Variants in SYNJ2 observed in about 807,000 individuals in gnomAD.
The protein encoded by SYNJ2 is polyphosphatidylinositol phosphatase SYNJ2.
Under a neutral mutation model 141.3 loss-of-function variants are expected in SYNJ2, and 116 were observed. That is an observed-to-expected ratio of 0.82 (90% CI 0.71 to 0.96). The LOEUF (loss-of-function observed/expected upper bound fraction) is 0.96. Ranked by LOEUF, SYNJ2 falls within the 40% of genes least tolerant of loss-of-function variation. SYNJ2 has a pLI of 0.00. For synonymous variants in SYNJ2, 745 were observed against 777.7 expected (o/e 0.96, Z 0.70); for missense variants, 1,873 against 1,934.8 (o/e 0.97, Z 0.60).
At chr6:158,065,792 A>G (rs1399373837) in intron 11 of SYNJ2, among the ~76,000 whole-genome samples, 1 of 152,260 alleles carries the variant, frequency 6.6e-6, no homozygotes, top group African/African-American at 2.4e-5. Flanking sequence ...AAGGTGAACA[A>G]AGCTCCATGT....
At chr6:158,026,454 CCCCTGCCT>C (rs1256027413) in intron 2 of SYNJ2, among the ~76,000 whole-genome samples, 1 of 152,128 alleles carries the variant, frequency 6.6e-6, no homozygotes, top group African/African-American at 2.4e-5. Flanking sequence ...CTGTACAGCT[CCCCTGCCT>C]CCACTGCGCT....
Position 158,088,745 on chromosome 6 carries a change from A to T in SYNJ2, c.3429A>T (p.Arg1143Ser). 5 of 1,614,032 alleles carry T rather than the reference A, an allele frequency of 3.1e-6. No homozygotes were observed. Among genetic ancestry groups the T allele is most frequent in the Non-Finnish European group, 4.2e-6 (5 of 1,179,958 alleles). ...HGQYSILQTA[R>S]LLPGAPQQPP... is the part of the protein sequence containing the mutation. ...AGTATTCAATTTTGCAGACGGCAAG[A>T]CTTCTACCAGGAGCACCTCAGCAAC... Residue 1143 changes from arginine to serine, a missense_variant, in exon 24 of 27, where the codon AGA (arginine) becomes AGT (serine). Physicochemically the swap from Arg to Ser is moderately radical, Grantham distance 110. Transcript: ENST00000355585.
Position 158,033,622 on chromosome 6 carries a change from T to G in SYNJ2, c.653T>G (p.Phe218Cys), listed in dbSNP as rs1222340005. 1 of 1,613,462 alleles carries G rather than the reference T, an allele frequency of 6.2e-7. No individual in the cohort carries two copies. The highest frequency in any genetic ancestry group is 1.7e-5 in the Admixed American group (1 of 60,012). ...RVSCERTGTR[F>C]HTRGVNDDGH... is the part of the protein sequence containing the mutation. ...AGCTGTGAGCGCACAGGCACTCGCT[T>G]CCACACCCGTGGCGTGAACGACGAC... The change falls in exon 4 of 27, where the codon TTC becomes TGC. Residue 218 changes from phenylalanine to cysteine, a missense_variant. Physicochemically the swap from Phe to Cys is radical, Grantham distance 205. Transcript: ENST00000355585.
intron 26 of SYNJ2, 102 bp downstream of exon 26, chr6:158,093,206 C>G: frequency 7.6e-7 from 1 of 1,311,228 alleles, no homozygotes. Context: ...GAAGCCGAGG[C>G]AAGCGGATTA....
rs138506800 is a variant in SYNJ2, at chr6:158,088,671, G to T, written c.3355G>T (p.Val1119Leu). The change falls in exon 24 of 27, where the codon GTG (valine) becomes TTG (leucine). Residue 1119 changes from valine to leucine, a missense_variant. Coordinates refer to ENST00000355585, the MANE Select transcript of SYNJ2 (RefSeq NM_003898.4). ...GTTGGTTTTTACAGCCGGTTTAATG[G>T]TGAAAAAGTCGGCTTCAGATGCGTC... ...QRPPPPTGLM[V>L]KKSASDASIS... 4 of 1,613,928 alleles carry T rather than the reference G, an allele frequency of 2.5e-6. No homozygotes were observed. In the South Asian group the frequency reaches 4.4e-5, roughly 18 times the overall value.
intron 1 of SYNJ2, among the ~76,000 whole-genome samples, chr6:157,988,311 G>A (rs1432888631): frequency 6.6e-6 from 1 of 152,242 alleles, no homozygotes; most frequent in African/African-American, 2.4e-5. Context: ...GCCAGGCTGG[G>A]GCCGCCCTCC....
At chr6:157,997,396 G>C (rs948191929) in intron 1 of SYNJ2, among the ~76,000 whole-genome samples, 2 of 152,196 alleles carry the variant, frequency 1.3e-5, no homozygotes, top group Non-Finnish European at 2.9e-5. Flanking sequence ...AAGAAGAAAA[G>C]GGACACAGGC....
At chr6:157,993,580 T>C (rs1777528959) in intron 1 of SYNJ2, among the ~76,000 whole-genome samples, 1 of 152,044 alleles carries the variant, frequency 6.6e-6, no homozygotes, top group South Asian at 2.1e-4. Flanking sequence ...TGCCTGTGCT[T>C]GTGGGGTATT....
At chr6:158,088,824 T>G in intron 24 of SYNJ2, 52 bp downstream of exon 24, 1 of 1,284,284 alleles carries the variant, frequency 7.8e-7, no homozygotes, top group Non-Finnish European at 1.1e-6. Flanking sequence ...CCCGGGATAG[T>G]GTGGGATCTC....
In SYNJ2 at chr6:158,088,034, A is replaced by ATTTTTTTTTTTTTTTTT. The variant is rs568222551; in HGVS notation, c.3344-598_3344-582dup. 1.3e-4 allele frequency among the ~76,000 whole-genome samples: 4 copies of ATTTTTTTTTTTTTTTTT among 31,920 alleles called. 1 individual carries two copies. The highest frequency in any genetic ancestry group is 3.4e-3 in the East Asian group (2 of 588). 20.9% of individuals were successfully genotyped at this position (31,920 alleles called of 152,430 possible). A position where few individuals can be genotyped will look rare whatever the true frequency, so the allele number is the denominator to read the frequency against. On this transcript the variant is annotated intron_variant, in intron 23 of 26. Coordinates refer to ENST00000355585, the MANE Select transcript of SYNJ2 (RefSeq NM_003898.4). ...TAACAGTTTATTCCCCTGCTTTGGA[A>ATTTTTTTTTTTTTTTTT]TTTTTTTTTTTTTTTTTTTTTTTTT... is the stretch of plus-strand genomic sequence containing the variant.
rs1783912212 is a variant in SYNJ2, at chr6:158,098,737, TTG to T, written c.*2375_*2376del. On this transcript the variant is annotated 3_prime_UTR_variant, in exon 27 of 27. Transcript: ENST00000355585. ...CCATCCAGGGCTTCTTATTGTGACC[TTG>T]TAGCCTATTTTGTTCCTGCTGTTCT... 2.0e-5 allele frequency: 3 copies of T among 152,220 alleles called. No homozygotes were observed. Among genetic ancestry groups the T allele is most frequent in the African/African-American group, 7.2e-5 (3 of 41,446 alleles). 9.4% of individuals were successfully genotyped at this position (152,220 alleles called of 1,614,324 possible). A position where few individuals can be genotyped will look rare whatever the true frequency, so the allele number is the denominator to read the frequency against.
At position 158,088,719 on chromosome 6, in the gene SYNJ2, C is replaced by T. The variant is rs1332626429; in HGVS notation, c.3403C>T (p.Gln1135Ter). The change falls in exon 24 of 27, where the codon CAG becomes TAG. Residue 1135 changes from glutamine (Q) to a stop codon, truncating the protein, a stop_gained. Coordinates refer to ENST00000355585, the MANE Select transcript of SYNJ2 (RefSeq NM_003898.4). LOFTEE classifies it high-confidence loss of function. ...GTCCATCTCCTCCGGCACCCATGGACAGTATTCAATTTTGCAGACGGCAAG... is the reference window on the plus strand; with the variant it reads ...GTCCATCTCCTCCGGCACCCATGGATAGTATTCAATTTTGCAGACGGCAAG... ...DASISSGTHG[Q>*]YSILQTARLL... 2.5e-6 allele frequency: 4 copies of T among 1,613,908 alleles called. No individual in the cohort carries two copies. Among genetic ancestry groups the T allele is most frequent in the Admixed American group, 3.3e-5 (2 of 59,996 alleles).
rs758827077 is a variant in SYNJ2, at chr6:158,054,992, A to G, written c.821A>G (p.His274Arg). The stretch of plus-strand genomic sequence containing the variant: ...GTTGGCTCCCATCATCTGAGACTCC[A>G]CAGAGGCCTGGAAGCCAATGCCCCT... ...LQVGSHHLRL[H>R]RGLEANAPAF... Residue 274 changes from histidine (H) to arginine (R), a missense_variant, in exon 6 of 27, where the codon CAC (histidine) becomes CGC (arginine). Coordinates refer to ENST00000355585, the MANE Select transcript of SYNJ2 (RefSeq NM_003898.4). 6.2e-7 allele frequency: 1 copy of G among 1,614,096 alleles called. No homozygotes were observed. Among genetic ancestry groups the G allele is most frequent in the South Asian group, 1.1e-5 (1 of 91,080 alleles).
intron 1 of SYNJ2, among the ~76,000 whole-genome samples, chr6:157,987,576 AT>A (rs1254017491): frequency 1.3e-5 from 2 of 151,420 alleles, no homozygotes; most frequent in African/African-American, 4.9e-5. Flanking sequence ...TAATTTTTGT[AT>A]TTTTAGTAGA....
Position 158,064,931 on chromosome 6 carries a change from G to A in SYNJ2, c.1465G>A (p.Val489Ile), listed in dbSNP as rs762162556. Residue 489 changes from valine (V) to isoleucine (I), a missense_variant, in exon 11 of 27, where the codon GTC becomes ATC. Coordinates refer to ENST00000355585, the MANE Select transcript of SYNJ2 (RefSeq NM_003898.4). ...EAIKLLLVGD[V>I]YGEEVADKGG... The stretch of plus-strand genomic sequence containing the variant: ...CATCAAGCTGCTGCTGGTTGGGGAC[G>A]TCTACGGCGAGGAGGTGGCAGACAA... 10 of 1,613,310 alleles carry A rather than the reference G, an allele frequency of 6.2e-6. No homozygotes were observed. Among genetic ancestry groups the A allele is most frequent in the African/African-American group, 1.3e-5 (1 of 74,950 alleles).
At chr6:158,082,853 A>T (rs897250097) in intron 20 of SYNJ2, among the ~76,000 whole-genome samples, 9 of 152,212 alleles carry the variant, frequency 5.9e-5, no homozygotes, top group African/African-American at 2.2e-4. Context: ...TGTATTTTGG[A>T]ATATGCAGCT....
At chr6:158,072,477 G>A (rs752901967) in intron 15 of SYNJ2, among the ~76,000 whole-genome samples, 39 of 152,182 alleles carry the variant, frequency 2.6e-4, no homozygotes, top group Non-Finnish European at 4.9e-4. Flanking sequence ...CCTCTTTCCC[G>A]AAGTGAGGAT....
At chr6:158,053,977 C>T (rs1011723888) in intron 5 of SYNJ2, among the ~76,000 whole-genome samples, 1 of 151,478 alleles carries the variant, frequency 6.6e-6, no homozygotes, top group Non-Finnish European at 1.5e-5. Flanking sequence ...CCCACCCATC[C>T]ATCCATCCCC....
At chr6:158,088,183 G>A (rs529603737) in intron 23 of SYNJ2, among the ~76,000 whole-genome samples, 18 of 150,606 alleles carry the variant, frequency 1.2e-4, no homozygotes, top group Non-Finnish European at 1.5e-5. Flanking sequence ...ACCTCAGCCT[G>A]CCAAGTAGCT....
Sources: allele counts gnomAD v4.1 joint callset (sites outside exome capture counted in the v4.1 genomes callset), GRCh38; gene constraint gnomAD v4.1.1; transcripts MANE v1.5; gene names NCBI Gene and HGNC (gene_info 2026-07-23, HGNC 2026-07-21).